The following PGK1 variants were observed in gnomAD, a reference collection of about 807,000 sequenced individuals.
PGK1 encodes the protein phosphoglycerate kinase 1, also known as PRP 2.
Under a neutral mutation model 26.9 loss-of-function variants are expected in PGK1, and 3 were observed. That is an observed-to-expected ratio of 0.11 (90% CI 0.05 to 0.29). PGK1 has a LOEUF of 0.29. PGK1 is among the 10% of genes least tolerant of loss of function. The probability of loss-of-function intolerance (pLI) is 1.00; values close to 1 mark genes in which losing one functional copy is unlikely to be tolerated. For missense variants in PGK1, 270 were observed against 314.7 expected, an observed-to-expected ratio of 0.86 and a Z score of 1.07; for synonymous variants, 125 against 115.3, an observed-to-expected ratio of 1.08 and a Z score of -0.54.
chrX:78,122,776 G>A, intron 6 of PGK1, 59 bp from the exon 7 acceptor site: 1 of 675,824 alleles, frequency 1.5e-6, no homozygotes, highest in Non-Finnish European at 2.4e-6. Context: ...CAGTTTCTAT[G>A]TAATACCACT....
intron 1 of PGK1, among the ~76,000 whole-genome samples, 167 bp from the exon 2 acceptor site, chrX:78,109,700 C>T (rs2078290597): frequency 1.8e-5 from 2 of 111,250 alleles, no homozygotes; most frequent in South Asian, 7.5e-4. Context: ...AGTCACCACT[C>T]CCGCCATCCT....
At chrX:78,109,735 C>T in intron 1 of PGK1, 132 bp from the exon 2 acceptor site, 2 of 538,087 alleles carry the variant, frequency 3.7e-6, no homozygotes, top group South Asian at 2.5e-5. Flanking sequence ...ACTATTTTGA[C>T]TTTTAATGCC....
intron 2 of PGK1, among the ~76,000 whole-genome samples, chrX:78,111,550 C>T (rs1049049247): frequency 1.8e-5 from 2 of 109,305 alleles, no homozygotes; most frequent in African/African-American, 3.4e-5. Context: ...TTTTATACTA[C>T]AGCACATCTC....
At chrX:78,123,172 A>G (rs782734267) in intron 7 of PGK1, 23 bp from the exon 8 acceptor site, 3 of 1,179,127 alleles carry the variant, frequency 2.5e-6, no homozygotes, top group Middle Eastern at 2.3e-4. Flanking sequence ...GCTGACCTCC[A>G]TCATTTTGGC....
chrX:78,111,703 C>T (rs2078302329), intron 2 of PGK1, among the ~76,000 whole-genome samples: 1 of 112,111 alleles, frequency 8.9e-6, no homozygotes, highest in South Asian at 3.7e-4. Flanking sequence ...CACATCCCTG[C>T]TGTACCATAG....
At chrX:78,106,318 C>T in intron 1 of PGK1, 1 of 576,030 alleles carries the variant, frequency 1.7e-6, no homozygotes, top group Non-Finnish European at 2.1e-6. Context: ...TCTGAATATT[C>T]GAGACAATGA....
rs1165096042 is a variant in PGK1 at position 78,118,115 on chromosome X, T to C, written c.586T>C (p.Tyr196His). 1 of 1,207,157 alleles carries C rather than the reference T, an allele frequency of 8.3e-7. No individual in the cohort carries two copies. The highest frequency in any genetic ancestry group is 1.1e-6 in the Non-Finnish European group (1 of 893,217). Residue 196 changes from tyrosine (Y) to histidine (H), a missense_variant, in exon 6 of 11, where the codon TAC becomes CAC. By Grantham distance (83) the Tyr-to-His change is moderately conservative. Around this residue, in one of 3 missense-constraint regions of PGK1, gnomAD observed 150 missense variants for 154.6 expected, o/e 0.97. Coordinates refer to ENST00000373316, the MANE Select transcript of PGK1 (RefSeq NM_000291.4). ...GGFLMKKELNYFAKALESPER... is the reference protein window; with the variant it reads ...GGFLMKKELNHFAKALESPER... The stretch of plus-strand genomic sequence containing the variant: ...GTTTTTGATGAAGAAGGAGCTGAAC[T>C]ACTTTGCAAAGGCCTTGGAGAGCCC...
At position 78,123,283 on chromosome X, in the gene PGK1, T is replaced by G; in HGVS notation, c.845T>G (p.Leu282Trp). Reference sequence around the variant, plus strand: ...GAGAAGAATGGTGTGAAGATTACCTTGCCTGTTGACTTTGTCACTGCTGAC... The same window carrying G: ...GAGAAGAATGGTGTGAAGATTACCTGGCCTGTTGACTTTGTCACTGCTGAC... Reference protein sequence around the residue: ...KAEKNGVKITLPVDFVTADKF... With the variant: ...KAEKNGVKITWPVDFVTADKF... The change falls in exon 8 of 11, where the codon TTG becomes TGG. Residue 282 changes from leucine (L) to tryptophan (W), a missense_variant. By Grantham distance (61) the Leu-to-Trp change is moderately conservative. This residue lies in a region of PGK1 where 103 missense variants were observed against 114.6 expected (regional missense o/e 0.90). Transcript: ENST00000373316. The G allele has an allele frequency of 8.3e-7, 1 of 1,205,043 alleles. No individual in the cohort carries two copies.
intron 7 of PGK1, 50 bp downstream of exon 7, chrX:78,122,999 C>T (rs782266831): frequency 1.3e-6 from 1 of 789,489 alleles, no homozygotes; most frequent in Admixed American, 2.2e-5. Flanking sequence ...ATGATAATAG[C>T]AGGTTGTATA....
intron 1 of PGK1, among the ~76,000 whole-genome samples, chrX:78,107,328 A>G (rs2078276960): frequency 1.8e-5 from 2 of 110,880 alleles, no homozygotes; most frequent in Non-Finnish European, 3.8e-5. Context: ...AACCGCCACC[A>G]CAATCAAGAT....
At chrX:78,122,198 A>T (rs2078358449) in intron 6 of PGK1, among the ~76,000 whole-genome samples, 1 of 111,058 alleles carries the variant, frequency 9.0e-6, no homozygotes, top group Admixed American at 9.6e-5. Context: ...ACAGAGTGAG[A>T]CTTTGTGTTG....
At chrX:78,105,873 A>C (rs1350705308) in intron 1 of PGK1, among the ~76,000 whole-genome samples, 1 of 111,888 alleles carries the variant, frequency 8.9e-6, no homozygotes, top group Non-Finnish European at 1.9e-5. Flanking sequence ...ACAATCCTAA[A>C]AAAAGGGGAT....
Position 78,122,847 on chromosome X carries a change from A to G in PGK1, c.654A>G (p.Ala218=). 1 of 1,177,091 alleles carries G rather than the reference A, an allele frequency of 8.5e-7. No homozygotes were observed. The highest frequency in any genetic ancestry group is 1.2e-6 in the Non-Finnish European group (1 of 865,089). The change falls in exon 7 of 11, where the codon GCA becomes GCG. Residue 218 remains alanine (A), a synonymous_variant. Coordinates refer to ENST00000373316, the MANE Select transcript of PGK1 (RefSeq NM_000291.4). ...CTTTCTCTTGTAGAGCTAAAGTTGC[A>G]GACAAGATCCAGCTCATCAATAATA... The part of the protein sequence containing the change: ...FLAILGGAKV[A]DKIQLINNML...
intron 1 of PGK1, among the ~76,000 whole-genome samples, chrX:78,107,166 G>C (rs2078276280): frequency 9.0e-6 from 1 of 111,204 alleles, no homozygotes; most frequent in South Asian, 3.8e-4. Flanking sequence ...ATTCATGGGA[G>C]GTTACAAAGT....
In PGK1 at chrX:78,129,226, T is replaced by TATCTATCTATCTATCTATCTATC. The variant is rs1774580785; in HGVS notation, c.*3397_*3419dup. 1 of 105,733 alleles carries TATCTATCTATCTATCTATCTATC rather than the reference T, an allele frequency of 9.5e-6. No individual in the cohort carries two copies. The highest frequency in any genetic ancestry group is 4.1e-4 in the South Asian group (1 of 2,424). The allele number at this position is 105,733 out of a possible 1,213,427, so 8.7% of individuals were successfully genotyped here. On this transcript the variant is annotated 3_prime_UTR_variant, in exon 11 of 11. Coordinates refer to ENST00000373316, the MANE Select transcript of PGK1 (RefSeq NM_000291.4). ...GAGCATACCCATGTGTGTACCTATC[T>TATCTATCTATCTATCTATCTATC]ATCTATCTATCTATCTATCTATCTA...
chrX:78,123,236 C>G lies in PGK1; in HGVS notation c.798C>G (p.Val266=). The change falls in exon 8 of 11, where the codon GTC becomes GTG. Residue 266 remains valine, a synonymous_variant. Transcript: ENST00000373316. ...TTGATGAAGAGGGAGCCAAGATTGT[C>G]AAAGACCTAATGTCCAAAGCTGAGA... is the stretch of plus-strand genomic sequence containing the variant. ...SLFDEEGAKI[V]KDLMSKAEKN... 8 of 1,207,667 alleles carry G rather than the reference C, an allele frequency of 6.6e-6. No individual in the cohort carries two copies. Among genetic ancestry groups the G allele is most frequent in the Non-Finnish European group, 9.0e-6 (8 of 891,999 alleles).
intron 1 of PGK1, among the ~76,000 whole-genome samples, chrX:78,108,630 T>C: frequency 8.9e-6 from 1 of 111,913 alleles, no homozygotes; most frequent in Admixed American, 9.5e-5. Context: ...TGTAGGAGTT[T>C]GTAATTGCCT....
chrX:78,106,700 C>T (rs1557246238), intron 1 of PGK1: 1 of 678,160 alleles, frequency 1.5e-6, no homozygotes, highest in African/African-American at 2.4e-5. Flanking sequence ...AAACCTCTGA[C>T]TTGTTAATTA....
chrX:78,123,965 C>T (rs571010022), intron 8 of PGK1, among the ~76,000 whole-genome samples: 6 of 111,240 alleles, frequency 5.4e-5, no homozygotes, highest in Admixed American at 1.9e-4. Context: ...GTACTTACTG[C>T]GTACTGGAGA....
Sources: gnomAD v4.1 joint callset for allele counts (sites outside exome capture counted in the v4.1 genomes callset) on GRCh38, gnomAD v4.1.1 for gene constraint, gnomAD v4.1.1 regional missense constraint, MANE v1.5 for transcripts, NCBI Gene and HGNC (gene_info 2026-07-23, HGNC 2026-07-21) for gene names.